The following NEIL1 variants were observed in gnomAD, a reference collection of about 807,000 sequenced individuals.
NEIL1 encodes the protein nei like DNA glycosylase 1.
A neutral mutation model predicts 44.2 loss-of-function variants in NEIL1; 31 were observed. The ratio of observed to expected loss-of-function variants is 0.70; its 90% CI spans 0.53 to 0.95. The LOEUF (loss-of-function observed/expected upper bound fraction) is 0.95. Among genes scored for constraint, NEIL1 ranks in the 40% least tolerant of loss-of-function variants. The probability of loss-of-function intolerance (pLI) is 0.00; values close to 1 mark genes in which losing one functional copy is unlikely to be tolerated. For missense variants in NEIL1, 549 were observed against 515.5 expected (o/e 1.07, Z -0.63); for synonymous variants, 254 against 209.7 (o/e 1.21, Z -1.83).
chr15:75,356,446 G>C lies in NEIL1; in HGVS notation c.*1412G>C. The C allele has an allele frequency of 6.3e-7, 1 of 1,598,824 alleles. No individual in the cohort carries two copies. The highest frequency in any genetic ancestry group is 1.1e-5 in the South Asian group (1 of 88,362). On this transcript the variant is annotated 3_prime_UTR_variant, in exon 10 of 10. Coordinates refer to ENST00000355059, the MANE Select transcript of NEIL1 (RefSeq NM_024608.4). This position sits in a 1 kb window ranked among gnomAD's most constrained non-coding sequence, Gnocchi z 5.8. ...TTGGATAACGCCAGCATCCTGGAAAGAGCCTGGGGTACGACCAGGAAACAA... is the reference window on the plus strand; with the variant it reads ...TTGGATAACGCCAGCATCCTGGAAACAGCCTGGGGTACGACCAGGAAACAA...
At position 75,347,049 on chromosome 15, in the gene NEIL1, C is replaced by T. The variant is rs1012512135; in HGVS notation, c.-447C>T. On this transcript the variant is annotated 5_prime_UTR_variant, in exon 1 of 10. Transcript: ENST00000355059. ...TCCTTCCGCCGGACACGTCGGGTTT[C>T]CTCGTTTTTGCGGACTGGCGCTTTC... 6.6e-6 allele frequency: 1 copy of T among 152,230 alleles called. No homozygotes were observed. 9.4% of individuals were successfully genotyped at this position (152,230 alleles called of 1,614,324 possible). A position where few individuals can be genotyped will look rare whatever the true frequency, so the allele number is the denominator to read the frequency against.
In NEIL1 at chr15:75,356,892, T is replaced by G. The variant is rs746763522; in HGVS notation, c.*1858T>G. The G allele has an allele frequency of 6.8e-6, 11 of 1,613,924 alleles. No individual in the cohort carries two copies. In the East Asian group the frequency reaches 2.0e-4, roughly 29 times the overall value. ...GTGTTCTGACAGATCCATCCAGCGATGGGCCCACACCTGGAGGGCAGATCC... is the reference window on the plus strand; with the variant it reads ...GTGTTCTGACAGATCCATCCAGCGAGGGGCCCACACCTGGAGGGCAGATCC... On this transcript the variant is annotated 3_prime_UTR_variant, in exon 10 of 10. Transcript: ENST00000355059. The surrounding 1 kb of genome is among the most constrained non-coding windows in gnomAD (Gnocchi z 5.8).
chr15:75,348,962 G>A lies in NEIL1; in HGVS notation c.57G>A (p.Arg19=), dbSNP rs2071659259. Residue 19 remains arginine (R), a synonymous_variant, in exon 2 of 10, where the codon AGG becomes AGA. Transcript: ENST00000355059. ...LASQFVNEAC[R]ALVFGGCVEK... is the part of the protein sequence containing the mutation. ...GCCAGTTTGTGAATGAGGCCTGCAG[G>A]GCGCTGGTGTTCGGCGGCTGCGTGG... 4 of 1,613,610 alleles carry A rather than the reference G, an allele frequency of 2.5e-6. No individual in the cohort carries two copies. The highest frequency in any genetic ancestry group is 3.4e-6 in the Non-Finnish European group (4 of 1,180,036).
Position 75,355,735 on chromosome 15 carries a change from A to C in NEIL1, c.*701A>C. 6.4e-6 allele frequency: 3 copies of C among 471,486 alleles called. No homozygotes were observed. Among genetic ancestry groups the C allele is most frequent in the South Asian group, 2.1e-5 (1 of 48,234 alleles). 29.2% of individuals were successfully genotyped at this position (471,486 alleles called of 1,614,324 possible). On this transcript the variant is annotated 3_prime_UTR_variant, in exon 10 of 10. Transcript: ENST00000355059. ...TACCTGGGAAGCCATCCCACCCCAGACTTCCCACCCCCACCCCAAGCGTGA... is the reference window on the plus strand; with the variant it reads ...TACCTGGGAAGCCATCCCACCCCAGCCTTCCCACCCCCACCCCAAGCGTGA...
intron 2 of NEIL1, chr15:75,349,723 A>C: frequency 4.7e-6 from 1 of 214,084 alleles, no homozygotes. Flanking sequence ...CTGAGGCAGG[A>C]AAAGCGCTTG....
chr15:75,356,057 G>C lies in NEIL1; in HGVS notation c.*1023G>C. Reference sequence around the variant, plus strand: ...GCTGGAGAACAGGAGGGGCCATGAAGGCTCTGCGAGGGCGAGACTCGACCC... The same window carrying C: ...GCTGGAGAACAGGAGGGGCCATGAACGCTCTGCGAGGGCGAGACTCGACCC... On this transcript the variant is annotated 3_prime_UTR_variant, in exon 10 of 10. Transcript: ENST00000355059. This position sits in a 1 kb window ranked among gnomAD's most constrained non-coding sequence, Gnocchi z 5.8. 6.2e-7 allele frequency: 1 copy of C among 1,613,736 alleles called. No individual in the cohort carries two copies. Among genetic ancestry groups the C allele is most frequent in the Non-Finnish European group, 8.5e-7 (1 of 1,179,834 alleles).
Position 75,356,313 on chromosome 15 carries a change from C to CG in NEIL1, c.*1279_*1280insG. On this transcript the variant is annotated 3_prime_UTR_variant, in exon 10 of 10. Coordinates refer to ENST00000355059, the MANE Select transcript of NEIL1 (RefSeq NM_024608.4). This position sits in a 1 kb window ranked among gnomAD's most constrained non-coding sequence, Gnocchi z 5.8. ...TCCCACCCCTTGCCTGCTTGACGGT[C>CG]TCCAATACGACCGCGGGTGAAGACA... The CG allele has an allele frequency of 6.2e-7, 1 of 1,611,726 alleles. No homozygotes were observed.
intron 2 of NEIL1, 124 bp from the exon 3 acceptor site, chr15:75,351,987 G>A (rs2071931369): frequency 2.4e-6 from 2 of 842,910 alleles, no homozygotes; most frequent in East Asian, 2.6e-5. Context: ...CGGGGGCAGG[G>A]AGAAGAGGAA....
chr15:75,348,640 G>A (rs923434595), intron 1 of NEIL1: 18 of 1,381,266 alleles, frequency 1.3e-5, no homozygotes, highest in Non-Finnish European at 1.6e-5. Context: ...GCCCATGGAA[G>A]GAAGCGGTTA....
At chr15:75,354,608 A>T (rs1017792880) in intron 8 of NEIL1, 45 bp from the exon 9 acceptor site, 1 of 1,613,744 alleles carries the variant, frequency 6.2e-7, no homozygotes, top group Non-Finnish European at 8.5e-7. Flanking sequence ...CCAACCTCTG[A>T]ACTGCTTTCT....
chr15:75,353,230 C>CACAT, intron 5 of NEIL1: 1 of 224,502 alleles, frequency 4.5e-6, no homozygotes, highest in Non-Finnish European at 9.0e-6. Context: ...TTTATACACA[C>CACAT]ACACACACAC....
Position 75,354,974 on chromosome 15 carries a change from A to C in NEIL1, c.1113A>C (p.Arg371Ser). Residue 371 changes from arginine to serine, a missense_variant, in exon 10 of 10, where the codon AGA (arginine) becomes AGC (serine). Coordinates refer to ENST00000355059, the MANE Select transcript of NEIL1 (RefSeq NM_024608.4). ...KGRQAASGHC[R>S]PRKVKADIPS... Reference sequence around the variant, plus strand: ...CTGTTCTTCCCCCAGGCCACTGCAGACCCCGGAAGGTCAAGGCTGACATCC... The same window carrying C: ...CTGTTCTTCCCCCAGGCCACTGCAGCCCCCGGAAGGTCAAGGCTGACATCC... The C allele has an allele frequency of 6.2e-7, 1 of 1,613,942 alleles. No homozygotes were observed. Among genetic ancestry groups the C allele is most frequent in the Non-Finnish European group, 8.5e-7 (1 of 1,179,954 alleles).
chr15:75,356,561 A>G lies in NEIL1; in HGVS notation c.*1527A>G. On this transcript the variant is annotated 3_prime_UTR_variant, in exon 10 of 10. Coordinates refer to ENST00000355059, the MANE Select transcript of NEIL1 (RefSeq NM_024608.4). This position sits in a 1 kb window ranked among gnomAD's most constrained non-coding sequence, Gnocchi z 5.8. The stretch of plus-strand genomic sequence containing the variant: ...GGTTTGGGCTCAGGGAAGGGCAGAG[A>G]GGTGTCTAGGGCTGCAGGAAGGCCC... 1 of 1,549,106 alleles carries G rather than the reference A, an allele frequency of 6.5e-7. No individual in the cohort carries two copies. The highest frequency in any genetic ancestry group is 8.7e-7 in the Non-Finnish European group (1 of 1,145,516).
intron 2 of NEIL1, among the ~76,000 whole-genome samples, chr15:75,350,849 G>C (rs545310922): frequency 2.6e-5 from 4 of 152,234 alleles, no homozygotes; most frequent in African/African-American, 9.6e-5. Flanking sequence ...GTGGCAATTG[G>C]CTTACCTCAG....
chr15:75,356,190 C>T lies in NEIL1; in HGVS notation c.*1156C>T. The T allele has an allele frequency of 6.2e-7, 1 of 1,613,454 alleles. No individual in the cohort carries two copies. Among genetic ancestry groups the T allele is most frequent in the Non-Finnish European group, 8.5e-7 (1 of 1,179,946 alleles). ...CGTGGGCCTCATACAGCCTCAGGAC[C>T]AGCGAGCGGCGCTGGGGGCTGCTCT... On this transcript the variant is annotated 3_prime_UTR_variant, in exon 10 of 10. Coordinates refer to ENST00000355059, the MANE Select transcript of NEIL1 (RefSeq NM_024608.4). This position sits in a 1 kb window ranked among gnomAD's most constrained non-coding sequence, Gnocchi z 5.8.
At position 75,349,121 on chromosome 15, in the gene NEIL1, A is replaced by C. The variant is rs764570157; in HGVS notation, c.216A>C (p.Pro72=). The C allele has an allele frequency of 6.2e-7, 1 of 1,611,612 alleles. No homozygotes were observed. The change falls in exon 2 of 10, where the codon CCA becomes CCC. Residue 72 remains proline (P), a synonymous_variant. Transcript: ENST00000355059. ...PLPGAQPQQE[P]LALVFRFGMS... ...CTGGGGCCCAGCCCCAACAGGAGCC[A>C]CTGGCCCTGGTCTTCCGCTTCGGCA...
chr15:75,349,408 G>A, intron 2 of NEIL1, 69 bp downstream of exon 2: 1 of 1,440,828 alleles, frequency 6.9e-7, no homozygotes, highest in Non-Finnish European at 9.4e-7. Context: ...GTGCCTTCTT[G>A]GCCAACAAGG....
At chr15:75,351,684 C>A (rs911634280) in intron 2 of NEIL1, among the ~76,000 whole-genome samples, 1 of 152,084 alleles carries the variant, frequency 6.6e-6, no homozygotes, top group Non-Finnish European at 1.5e-5. Flanking sequence ...TGCAATGCTG[C>A]GATCTCAGCT....
intron 5 of NEIL1, chr15:75,352,924 GAGGTCA>G: frequency 4.1e-6 from 2 of 489,302 alleles, no homozygotes; most frequent in Middle Eastern, 5.5e-4. Context: ...TGGCTCACCT[GAGGTCA>G]GGAGTTCGAG....
Sources: gnomAD v4.1 joint callset for allele counts (sites outside exome capture counted in the v4.1 genomes callset) on GRCh38, gnomAD v4.1.1 for gene constraint, Gnocchi (gnomAD v3.1) non-coding constraint, MANE v1.5 for transcripts, NCBI Gene and HGNC (gene_info 2026-07-23, HGNC 2026-07-21) for gene names.